The following ABCA4 variants were observed in gnomAD, a reference collection of about 807,000 sequenced individuals.
The protein encoded by ABCA4 is retinal-specific phospholipid-transporting ATPase ABCA4.
In ABCA4, 196 loss-of-function variants were observed where a neutral mutation model predicts 263.7. The ratio of observed to expected loss-of-function variants is 0.74; its 90% CI spans 0.66 to 0.84. The LOEUF is 0.84. Among genes scored for constraint, ABCA4 ranks in the 40% least tolerant of loss-of-function variants. The pLI, the probability that ABCA4 is intolerant of heterozygous loss-of-function variation, is 0.00. For missense variants in ABCA4, 2,792 were observed against 2,855.1 expected (o/e 0.98, Z 0.50); for synonymous variants, 1,133 against 1,094.2 (o/e 1.04, Z -0.70).
chr1:94,110,442 G>GA (rs1662573252), intron 3 of ABCA4, among the ~76,000 whole-genome samples: 1 of 152,228 alleles, frequency 6.6e-6, no homozygotes, highest in African/African-American at 2.4e-5. Context: ...CTCCCCCAAG[G>GA]AAAAAACTAA....
At chr1:94,061,945 C>T (rs1463999940) in intron 13 of ABCA4, among the ~76,000 whole-genome samples, 1 of 152,128 alleles carries the variant, frequency 6.6e-6, no homozygotes, top group East Asian at 1.9e-4. Context: ...AATGAGCCTC[C>T]CAACCCTCCA....
intron 1 of ABCA4, among the ~76,000 whole-genome samples, chr1:94,113,738 TTC>T (rs758877059): frequency 3.3e-5 from 5 of 152,260 alleles, no homozygotes; most frequent in Non-Finnish European, 7.3e-5. Context: ...TCCTTCAAGT[TTC>T]TATTGCTTAA....
chr1:94,045,797 TG>T (rs1474617872), intron 19 of ABCA4: 1 of 456,284 alleles, frequency 2.2e-6, no homozygotes, highest in Admixed American at 2.3e-5. Flanking sequence ...GTGTACACGC[TG>T]TTGTTCCTTC....
chr1:94,113,186 T>TA, intron 1 of ABCA4, 120 bp from the exon 2 acceptor site: 1 of 887,954 alleles, frequency 1.1e-6, no homozygotes. Flanking sequence ...TTGGTTGTGG[T>TA]ATCTTTACCT....
At chr1:94,100,629 T>C (rs932575083) in intron 5 of ABCA4, among the ~76,000 whole-genome samples, 2 of 152,192 alleles carry the variant, frequency 1.3e-5, no homozygotes, top group African/African-American at 4.8e-5. Context: ...TTTACTGGGC[T>C]GGGGGTGAGC....
intron 5 of ABCA4, among the ~76,000 whole-genome samples, chr1:94,099,597 G>C (rs916840873): frequency 2.0e-5 from 3 of 152,182 alleles, no homozygotes; most frequent in African/African-American, 7.2e-5. Context: ...CCTCTCTGAA[G>C]GTGGGGTTGA....
intron 38 of ABCA4, among the ~76,000 whole-genome samples, chr1:94,012,916 CGGCAG>C (rs1659592709): frequency 2.0e-5 from 3 of 152,164 alleles, no homozygotes; most frequent in African/African-American, 7.2e-5. Context: ...TCACACGGGC[CGGCAG>C]CTGCTGGGAG....
chr1:94,026,307 T>C (rs1416158741), intron 30 of ABCA4, among the ~76,000 whole-genome samples: 1 of 152,204 alleles, frequency 6.6e-6, no homozygotes, highest in African/African-American at 2.4e-5. Flanking sequence ...AGCTGGCACC[T>C]ACCGAATGCT....
At chr1:94,109,924 C>A (rs1358398398) in intron 3 of ABCA4, among the ~76,000 whole-genome samples, 1 of 152,150 alleles carries the variant, frequency 6.6e-6, no homozygotes, top group East Asian at 1.9e-4. Context: ...ATGCCAAGTA[C>A]AGCTAGAGTC....
chr1:94,092,218 C>T lies in ABCA4; in HGVS notation c.768+6576G>A, dbSNP rs114198540. On this transcript the variant is annotated intron_variant, in intron 6 of 49. Transcript: ENST00000370225. ...TTGGGGCAGACATGGCCTCTGCAGG[C>T]TATGGAAGGTTCTGAAGGGAGGGAT... Among the ~76,000 whole-genome samples, 842 of 152,236 alleles carry T rather than the reference C, an allele frequency of 5.5e-3. 11 individuals are homozygous for T. The highest frequency in any genetic ancestry group is 0.02 in the African/African-American group (812 of 41,532).
At chr1:93,998,608 C>T (rs1367668908) in intron 47 of ABCA4, among the ~76,000 whole-genome samples, 1 of 152,116 alleles carries the variant, frequency 6.6e-6, no homozygotes, top group Non-Finnish European at 1.5e-5. Context: ...ATGGTAGTCC[C>T]TGGAGAAATC....
At chr1:94,091,483 G>A (rs1661965483) in intron 6 of ABCA4, among the ~76,000 whole-genome samples, 1 of 151,836 alleles carries the variant, frequency 6.6e-6, no homozygotes, top group Admixed American at 6.6e-5. Context: ...AATTGTTTCT[G>A]TCAAAGAACC....
At chr1:94,031,148 A>G in intron 27 of ABCA4, 28 bp from the exon 28 acceptor site, 1 of 1,613,594 alleles carries the variant, frequency 6.2e-7, no homozygotes. Context: ...TGGAATAAAC[A>G]TGACTGTGGC....
In ABCA4 at chr1:94,021,680, G is replaced by C. The variant is rs773251303; in HGVS notation, c.4808C>G (p.Pro1603Arg). ...PITREASKEI[P>R]DFLKHLETED... Reference sequence around the variant, plus strand: ...AGTTTCTAGATGTTTAAGGAAATCAGGTATTTCTTTAGAGGCCTCTCTAGT... The same window carrying C: ...AGTTTCTAGATGTTTAAGGAAATCACGTATTTCTTTAGAGGCCTCTCTAGT... The change falls in exon 34 of 50, where the codon CCT becomes CGT. Residue 1603 changes from proline (P) to arginine (R), a missense_variant. Coordinates refer to ENST00000370225, the MANE Select transcript of ABCA4 (RefSeq NM_000350.3). 6 of 1,613,158 alleles carry C rather than the reference G, an allele frequency of 3.7e-6. No individual in the cohort carries two copies. Among genetic ancestry groups the C allele is most frequent in the Admixed American group, 1.7e-5 (1 of 59,938 alleles).
intron 4 of ABCA4, among the ~76,000 whole-genome samples, chr1:94,105,200 G>A (rs2101148491): frequency 6.6e-6 from 1 of 152,310 alleles, no homozygotes; most frequent in East Asian, 1.9e-4. Context: ...ATAAATGTCT[G>A]TTGAATGACA....
At chr1:94,048,988 C>A in intron 17 of ABCA4, 31 bp from the exon 18 acceptor site, 1 of 1,608,660 alleles carries the variant, frequency 6.2e-7, no homozygotes. Context: ...TGTTACTCTA[C>A]CACCGGGAGC....
chr1:94,083,145 T>A (rs1261874925), intron 7 of ABCA4, among the ~76,000 whole-genome samples: 1 of 152,224 alleles, frequency 6.6e-6, no homozygotes, highest in African/African-American at 2.4e-5. Flanking sequence ...TGATGTGAAA[T>A]CAGAAGGGTG....
intron 44 of ABCA4, 28 bp from the exon 45 acceptor site, chr1:94,002,020 G>T: frequency 2.5e-6 from 4 of 1,614,066 alleles, no homozygotes; most frequent in Non-Finnish European, 3.4e-6. Flanking sequence ...ATGCCATTTG[G>T]AGAAGACAAG....
chr1:94,046,070 T>C (rs926685518), intron 19 of ABCA4: 2 of 391,278 alleles, frequency 5.1e-6, no homozygotes, highest in African/African-American at 4.2e-5. Context: ...TTTCACTTTC[T>C]CCAGAACGAC....
Sources: allele counts gnomAD v4.1 joint callset (sites outside exome capture counted in the v4.1 genomes callset), GRCh38; gene constraint gnomAD v4.1.1; transcripts MANE v1.5; gene names NCBI Gene and HGNC (gene_info 2026-07-23, HGNC 2026-07-21).